Variants in STK32B observed in about 807,000 individuals in gnomAD.
The protein encoded by STK32B is serine/threonine-protein kinase 32B.
In STK32B, 43 loss-of-function variants were observed where a neutral mutation model predicts 52.6. The observed-to-expected ratio is 0.82, with a 90% CI of 0.64 to 1.05. The LOEUF is 1.05. Ranked by LOEUF, STK32B falls within the 50% of genes least tolerant of loss-of-function variation. STK32B has a pLI of 0.00. For missense variants in STK32B, 621 were observed against 534.6 expected (o/e 1.16, Z -1.59); for synonymous variants, 238 against 204.3 (o/e 1.17, Z -1.41).
chr4:5,250,671 T>A (rs993535402), intron 3 of STK32B, among the ~76,000 whole-genome samples: 32 of 152,216 alleles, frequency 2.1e-4, no homozygotes, highest in African/African-American at 7.5e-4. Context: ...ACTAATTTAC[T>A]TTTCTACCAG....
At chr4:5,189,076 G>T (rs1402961514) in intron 3 of STK32B, among the ~76,000 whole-genome samples, 1 of 151,662 alleles carries the variant, frequency 6.6e-6, no homozygotes, top group Non-Finnish European at 1.5e-5. Context: ...GATTTCCCAT[G>T]CACCTGCTGC....
At chr4:5,213,782 G>A (rs1723033716) in intron 3 of STK32B, among the ~76,000 whole-genome samples, 1 of 152,070 alleles carries the variant, frequency 6.6e-6, no homozygotes, top group African/African-American at 2.4e-5. Flanking sequence ...TTTATGGGGG[G>A]ATTTATATGT....
intron 11 of STK32B, among the ~76,000 whole-genome samples, chr4:5,482,983 G>T (rs1397074056): frequency 2.6e-5 from 4 of 152,168 alleles, no homozygotes; most frequent in Non-Finnish European, 4.4e-5. Flanking sequence ...GCTGGATTCG[G>T]TTTGCCAGTA....
intron 11 of STK32B, among the ~76,000 whole-genome samples, chr4:5,488,077 TA>T (rs1357622352): frequency 1.7e-4 from 26 of 152,212 alleles, no homozygotes; most frequent in Non-Finnish European, 3.5e-4. Flanking sequence ...TACAACCTGA[TA>T]ACCCTATTCT....
chr4:5,036,277 G>GC, the STK32B span, among the ~76,000 whole-genome samples: 1 of 152,162 alleles, frequency 6.6e-6, no homozygotes, highest in African/African-American at 2.4e-5. Context: ...TGAGTACCCA[G>GC]CACTGAGCAT....
intron 3 of STK32B, among the ~76,000 whole-genome samples, chr4:5,241,000 T>C (rs987989835): frequency 1.3e-5 from 2 of 152,214 alleles, no homozygotes; most frequent in Non-Finnish European, 2.9e-5. Flanking sequence ...ATCCTGTTCT[T>C]CTTCAAGAAG....
chr4:5,356,722 C>T (rs1017635144), intron 4 of STK32B, among the ~76,000 whole-genome samples: 2 of 152,114 alleles, frequency 1.3e-5, no homozygotes, highest in East Asian at 1.9e-4. Flanking sequence ...TATTGCTGGG[C>T]GCGGTGGCTC....
At chr4:5,276,072 T>A (rs1299270670) in intron 3 of STK32B, among the ~76,000 whole-genome samples, 1 of 152,224 alleles carries the variant, frequency 6.6e-6, no homozygotes, top group Non-Finnish European at 1.5e-5. Flanking sequence ...GCGGATCACC[T>A]GAGGTCAGGA....
At chr4:5,212,515 A>T (rs1722966217) in intron 3 of STK32B, among the ~76,000 whole-genome samples, 1 of 152,224 alleles carries the variant, frequency 6.6e-6, no homozygotes, top group Admixed American at 6.5e-5. Flanking sequence ...GTCCCCACAA[A>T]GGTTTTCCTG....
chr4:5,187,991 A>C (rs919949589), intron 3 of STK32B, among the ~76,000 whole-genome samples: 1 of 152,146 alleles, frequency 6.6e-6, no homozygotes, highest in Non-Finnish European at 1.5e-5. Flanking sequence ...ACCCCTTGAA[A>C]GCCTCAGTTT....
intron 11 of STK32B, among the ~76,000 whole-genome samples, chr4:5,476,819 C>G (rs1481736416): frequency 6.6e-6 from 1 of 150,940 alleles, no homozygotes; most frequent in Non-Finnish European, 1.5e-5. Flanking sequence ...AGGGTAGGCA[C>G]TAAATCCAAT....
At chr4:5,166,739 A>G (rs1213518429) in intron 2 of STK32B, among the ~76,000 whole-genome samples, 1 of 151,980 alleles carries the variant, frequency 6.6e-6, no homozygotes, top group Non-Finnish European at 1.5e-5. Flanking sequence ...CTATGAGCCA[A>G]TAAATTTCTG....
intron 1 of STK32B, among the ~76,000 whole-genome samples, chr4:5,122,389 CTCAT>C (rs1715095721): frequency 6.6e-6 from 1 of 150,840 alleles, no homozygotes; most frequent in East Asian, 2.0e-4. Flanking sequence ...CATTCACTCA[CTCAT>C]TCATTCACTC....
chr4:5,051,963 C>T, intron 1 of STK32B, 48 bp downstream of exon 1: 2 of 1,553,666 alleles, frequency 1.3e-6, no homozygotes, highest in East Asian at 2.5e-5. Flanking sequence ...GCATCCCCTT[C>T]CTCCACCACC....
chr4:5,180,355 CA>C (rs1022907722), intron 3 of STK32B, among the ~76,000 whole-genome samples: 1 of 152,240 alleles, frequency 6.6e-6, no homozygotes, highest in Non-Finnish European at 1.5e-5. Flanking sequence ...ATTCTCCCAA[CA>C]GCTATTTTCA....
At chr4:5,119,000 C>G (rs1714884214) in intron 1 of STK32B, among the ~76,000 whole-genome samples, 1 of 152,190 alleles carries the variant, frequency 6.6e-6, no homozygotes, top group Admixed American at 6.5e-5. Flanking sequence ...TTTTGTTTTC[C>G]TAATTTTCTT....
At position 5,395,966 on chromosome 4, in the gene STK32B, G is replaced by T. The variant is rs1235206067; in HGVS notation, c.435-2241G>T. Among the ~76,000 whole-genome samples the T allele has an allele frequency of 6.6e-6, 1 of 152,190 alleles. No homozygotes were observed. Among genetic ancestry groups the T allele is most frequent in the Non-Finnish European group, 1.5e-5 (1 of 68,038 alleles). Reference sequence around the variant, plus strand: ...GCCGGTGCAATGTGGATGTGGGGGCGTGGCCAGGCCCTGGGCTTGTCCAAG... The same window carrying T: ...GCCGGTGCAATGTGGATGTGGGGGCTTGGCCAGGCCCTGGGCTTGTCCAAG... On this transcript the variant is annotated intron_variant, in intron 4 of 11. Coordinates refer to ENST00000282908, the MANE Select transcript of STK32B (RefSeq NM_018401.3). This position sits in a 1 kb window ranked among gnomAD's most constrained non-coding sequence, Gnocchi z 4.4.
intron 3 of STK32B, among the ~76,000 whole-genome samples, chr4:5,310,480 C>T (rs985340650): frequency 3.1e-4 from 47 of 152,080 alleles, no homozygotes; most frequent in Admixed American, 3.1e-3. Context: ...ATCAAAACCA[C>T]AATGAGAGAT....
intron 1 of STK32B, among the ~76,000 whole-genome samples, chr4:5,127,929 G>C (rs372924770): frequency 1.3e-5 from 2 of 152,084 alleles, no homozygotes; most frequent in Non-Finnish European, 2.9e-5. Context: ...TCCCCTACAC[G>C]AGCTCTCTTG....
Sources: gnomAD v4.1 joint callset for allele counts (sites outside exome capture counted in the v4.1 genomes callset) on GRCh38, gnomAD v4.1.1 for gene constraint, Gnocchi (gnomAD v3.1) non-coding constraint, MANE v1.5 for transcripts, NCBI Gene and HGNC (gene_info 2026-07-23, HGNC 2026-07-21) for gene names.